CELF2: variants seen among roughly 807,000 people sequenced by gnomAD.
CELF2 encodes the protein CUG triplet repeat RNA-binding protein 2.
A neutral mutation model predicts 62.6 loss-of-function variants in CELF2; 8 were observed. The observed-to-expected ratio is 0.13, with a 90% CI of 0.07 to 0.23. CELF2 has a LOEUF of 0.23. Ranked by LOEUF, CELF2 falls within the 10% of genes least tolerant of loss-of-function variation. The pLI is 1.00. For synonymous variants in CELF2, 258 were observed against 250.0 expected (o/e 1.03, Z -0.30); for missense variants, 333 against 671.0 (o/e 0.50, Z 5.56).
At chr10:11,169,745 C>T (rs368538427) in intron 2 of CELF2, among the ~76,000 whole-genome samples, 8 of 152,188 alleles carry the variant, frequency 5.3e-5, no homozygotes, top group Middle Eastern at 3.4e-3. Flanking sequence ...GTCAGGATGT[C>T]GTCTGTCATG....
At chr10:10,590,745 G>A in the CELF2 span, among the ~76,000 whole-genome samples, 29 of 152,276 alleles carry the variant, frequency 1.9e-4, no homozygotes, top group African/African-American at 7.0e-4. Flanking sequence ...CCAAGGACTG[G>A]CCCCTCCCTC....
intron 1 of CELF2, among the ~76,000 whole-genome samples, chr10:11,155,962 G>A (rs1296037553): frequency 6.6e-6 from 1 of 152,208 alleles, no homozygotes; most frequent in Non-Finnish European, 1.5e-5. Context: ...ATTGATAGAT[G>A]ATAAAATGAA....
chr10:10,485,210 T>C, the CELF2 span, among the ~76,000 whole-genome samples: 1 of 152,212 alleles, frequency 6.6e-6, no homozygotes, highest in African/African-American at 2.4e-5. Flanking sequence ...GTTGTTACAG[T>C]ATAATCTTGA....
intron 2 of CELF2, among the ~76,000 whole-genome samples, chr10:10,952,842 C>T (rs960741218): frequency 2.6e-5 from 4 of 152,190 alleles, no homozygotes; most frequent in Non-Finnish European, 4.4e-5. Flanking sequence ...TGATGCCTGA[C>T]TGTTTTTCAC....
At chr10:10,673,918 G>T in the CELF2 span, among the ~76,000 whole-genome samples, 1 of 152,270 alleles carries the variant, frequency 6.6e-6, no homozygotes, top group South Asian at 2.1e-4. Context: ...TTGGAAAATT[G>T]CTAAGCAGTG....
intron 1 of CELF2, among the ~76,000 whole-genome samples, chr10:10,857,053 G>A (rs1489119260): frequency 6.6e-6 from 1 of 152,034 alleles, no homozygotes; most frequent in Non-Finnish European, 1.5e-5. Flanking sequence ...CTGGACAACA[G>A]CAAAGGAAGG....
At chr10:11,003,071 A>G (rs1257151882), upstream of CELF2, among the ~76,000 whole-genome samples, 1 of 152,168 alleles carries the variant, frequency 6.6e-6, no homozygotes, top group Non-Finnish European at 1.5e-5. This position sits in a 1 kb window ranked among gnomAD's most constrained non-coding sequence, Gnocchi z 4.4. Context: ...CTTCCTATTT[A>G]CTCATCTTTA....
At chr10:11,262,940 C>CTTTTTTTTTTTTTTTT (rs553831640) in intron 5 of CELF2, among the ~76,000 whole-genome samples, 577 of 52,750 alleles carry the variant, frequency 0.011, 197 homozygotes, top group East Asian at 0.026. Flanking sequence ...AGTGGCTTTA[C>CTTTTTTTTTTTTTTTT]TTTTTTTTTT....
At chr10:10,745,731 A>T in the CELF2 span, among the ~76,000 whole-genome samples, 1 of 152,198 alleles carries the variant, frequency 6.6e-6, no homozygotes, top group Non-Finnish European at 1.5e-5. Flanking sequence ...CTCTAAAATG[A>T]CCATGGAAGC....
the CELF2 span, among the ~76,000 whole-genome samples, chr10:10,638,983 A>T: frequency 1.3e-5 from 2 of 152,196 alleles, no homozygotes; most frequent in African/African-American, 4.8e-5. Context: ...TTTCTGTTCA[A>T]TCACTATCCA....
At position 11,047,625 on chromosome 10, in the gene CELF2, G is replaced by A. The variant is rs2063101651; in HGVS notation, c.74+29462G>A. On this transcript the variant is annotated intron_variant, in intron 1 of 12. Transcript: ENST00000633077. ...AGAGGTATTAAAGCTGCTCTTTTCT[G>A]TGTAGATTCAATAGGCAAAATTTCA... Among the ~76,000 whole-genome samples, 3 of 152,228 alleles carry A rather than the reference G, an allele frequency of 2.0e-5. No homozygotes were observed. In the South Asian group the frequency reaches 6.2e-4, roughly 32 times the overall value.
chr10:11,281,037 G>GCACT (rs1208903282), intron 8 of CELF2, among the ~76,000 whole-genome samples: 1 of 149,304 alleles, frequency 6.7e-6, no homozygotes, highest in Non-Finnish European at 1.5e-5. Context: ...ATGGGAGGAG[G>GCACT]CACTGTCTTC....
rs1336004817 is a variant in CELF2 at position 11,296,897 on chromosome 10, ATCAGCAAATGGAAGT to A, written c.976+8349_976+8363del. 3.9e-5 allele frequency among the ~76,000 whole-genome samples: 6 copies of A among 152,262 alleles called. No homozygotes were observed. Among genetic ancestry groups the A allele is most frequent in the Non-Finnish European group, 5.9e-5 (4 of 68,052 alleles). On this transcript the variant is annotated intron_variant, in intron 9 of 12. Coordinates refer to ENST00000633077, the MANE Select transcript of CELF2 (RefSeq NM_001326342.2). The surrounding 1 kb of genome is among the most constrained non-coding windows in gnomAD (Gnocchi z 5.0). ...TGGGAAAATGCAGAAATAGCATTTA[ATCAGCAAATGGAAGT>A]TCATCTCACTTTTCACAAGCATGGA...
chr10:10,870,328 A>G (rs866920094), intron 1 of CELF2, among the ~76,000 whole-genome samples: 11 of 152,290 alleles, frequency 7.2e-5, no homozygotes, highest in Non-Finnish European at 1.3e-4. Flanking sequence ...TGTATTGCCT[A>G]TCTCGGGGTA....
At chr10:11,049,646 C>T (rs937202854) in intron 1 of CELF2, among the ~76,000 whole-genome samples, 43 of 151,318 alleles carry the variant, frequency 2.8e-4, no homozygotes, top group African/African-American at 8.5e-4. Flanking sequence ...TACTACCTCA[C>T]GCTTCCGGCA....
intron 4 of CELF2, among the ~76,000 whole-genome samples, chr10:11,256,133 G>T (rs1364592133): frequency 1.3e-5 from 2 of 152,180 alleles, no homozygotes. Flanking sequence ...GGCCCTTCAG[G>T]GCCGTGCTGG....
the CELF2 span, among the ~76,000 whole-genome samples, chr10:10,713,589 C>G: frequency 1.3e-5 from 2 of 152,338 alleles, no homozygotes; most frequent in East Asian, 3.9e-4. Flanking sequence ...ATGAACTATT[C>G]AGGTGAACTA....
the CELF2 span, among the ~76,000 whole-genome samples, chr10:10,629,649 A>G: frequency 6.6e-6 from 1 of 152,150 alleles, no homozygotes; most frequent in Non-Finnish European, 1.5e-5. Flanking sequence ...TTCAGGAATA[A>G]CAATCTCTCT....
At chr10:10,916,988 A>G (rs1291715947) in intron 1 of CELF2, among the ~76,000 whole-genome samples, 1 of 151,262 alleles carries the variant, frequency 6.6e-6, no homozygotes, top group Non-Finnish European at 1.5e-5. Flanking sequence ...CTAATTCAAC[A>G]TCAGTTTTTC....
Sources: allele counts gnomAD v4.1 joint callset (sites outside exome capture counted in the v4.1 genomes callset), GRCh38; gene constraint gnomAD v4.1.1; non-coding constraint Gnocchi (gnomAD v3.1); transcripts MANE v1.5; gene names NCBI Gene and HGNC (gene_info 2026-07-23, HGNC 2026-07-21).